The following C1QTNF3 variants were observed in gnomAD, a reference collection of about 807,000 sequenced individuals.
The protein encoded by C1QTNF3 is complement C1q tumor necrosis factor-related protein 3.
C1QTNF3 carries 26 observed loss-of-function variants against 32.6 expected under a neutral mutation model. The observed-to-expected ratio is 0.80, with a 90% CI of 0.58 to 1.11. The LOEUF (loss-of-function observed/expected upper bound fraction) is 1.11. Ranked by LOEUF, C1QTNF3 falls within the 50% of genes least tolerant of loss-of-function variation. The probability of loss-of-function intolerance (pLI) is 0.00; values close to 1 mark genes in which losing one functional copy is unlikely to be tolerated. For synonymous variants in C1QTNF3, 155 were observed against 146.0 expected, an observed-to-expected ratio of 1.06 and a Z score of -0.44; for missense variants, 362 against 398.2, an observed-to-expected ratio of 0.91 and a Z score of 0.77.
chr5:34,052,662 C>T, the C1QTNF3 span, among the ~76,000 whole-genome samples: 1 of 152,328 alleles, frequency 6.6e-6, no homozygotes, highest in African/African-American at 2.4e-5. Context: ...TTAAAAGAGA[C>T]ATTGCTGCAG....
chr5:34,234,579 T>C, the C1QTNF3 span, among the ~76,000 whole-genome samples: 1 of 151,958 alleles, frequency 6.6e-6, no homozygotes, highest in East Asian at 1.9e-4. Flanking sequence ...TCCTATAAAG[T>C]CAAAACACAA....
At chr5:34,072,367 GAA>G in the C1QTNF3 span, among the ~76,000 whole-genome samples, 1 of 109,684 alleles carries the variant, frequency 9.1e-6, no homozygotes, top group African/African-American at 3.7e-5. Flanking sequence ...AATTAAAAAA[GAA>G]AGAGAAAGAA....
chr5:34,147,926 G>A, the C1QTNF3 span, among the ~76,000 whole-genome samples: 3 of 152,152 alleles, frequency 2.0e-5, no homozygotes, highest in African/African-American at 4.8e-5. Context: ...GGTGATTTCT[G>A]CATTTCCATC....
chr5:34,169,473 C>A, the C1QTNF3 span, among the ~76,000 whole-genome samples: 1 of 151,926 alleles, frequency 6.6e-6, no homozygotes, highest in Admixed American at 6.6e-5. Flanking sequence ...GCATGTTTTG[C>A]TATTAAATTG....
the C1QTNF3 span, among the ~76,000 whole-genome samples, chr5:34,196,043 C>T: frequency 7.9e-5 from 12 of 152,394 alleles, no homozygotes; most frequent in Admixed American, 5.9e-4. Flanking sequence ...ATGGCCATTT[C>T]CAATCTAGGA....
the C1QTNF3 span, among the ~76,000 whole-genome samples, chr5:34,138,300 T>C: frequency 1.3e-5 from 2 of 152,190 alleles, no homozygotes; most frequent in African/African-American, 4.8e-5. Flanking sequence ...AATACTAACG[T>C]GAACACTATT....
the C1QTNF3 span, among the ~76,000 whole-genome samples, chr5:34,104,868 C>A: frequency 6.7e-6 from 1 of 149,510 alleles, no homozygotes; most frequent in Non-Finnish European, 1.5e-5. Flanking sequence ...TAATAGATAA[C>A]TTTTTTTTTT....
chr5:34,080,386 G>T, the C1QTNF3 span, among the ~76,000 whole-genome samples: 2 of 151,688 alleles, frequency 1.3e-5, no homozygotes, highest in African/African-American at 4.9e-5. Context: ...TGTGAAACTG[G>T]TATTTAATGC....
the C1QTNF3 span, among the ~76,000 whole-genome samples, chr5:34,221,180 A>G: frequency 6.6e-6 from 1 of 152,102 alleles, no homozygotes; most frequent in Non-Finnish European, 1.5e-5. Context: ...TCATACCAAG[A>G]TATCACAAGG....
At chr5:34,051,379 T>C in the C1QTNF3 span, among the ~76,000 whole-genome samples, 1 of 152,230 alleles carries the variant, frequency 6.6e-6, no homozygotes, top group Non-Finnish European at 1.5e-5. Flanking sequence ...ATCTGTCTTA[T>C]TTTTTCAACT....
chr5:34,077,468 CTATT>C, the C1QTNF3 span, among the ~76,000 whole-genome samples: 2 of 151,588 alleles, frequency 1.3e-5, no homozygotes, highest in African/African-American at 4.9e-5. Context: ...ATTTTGTACA[CTATT>C]TATTTGTGAC....
chr5:34,227,926 A>G, the C1QTNF3 span, among the ~76,000 whole-genome samples: 1 of 151,580 alleles, frequency 6.6e-6, no homozygotes, highest in African/African-American at 2.4e-5. Context: ...CTGGCAACAG[A>G]TTTTAAATAT....
the C1QTNF3 span, among the ~76,000 whole-genome samples, chr5:34,157,061 T>C: frequency 6.6e-6 from 1 of 152,228 alleles, no homozygotes; most frequent in Non-Finnish European, 1.5e-5. Flanking sequence ...CAATATATAA[T>C]TTTTATGACT....
At chr5:34,127,413 C>T in the C1QTNF3 span, among the ~76,000 whole-genome samples, 5 of 151,742 alleles carry the variant, frequency 3.3e-5, no homozygotes, top group African/African-American at 4.8e-5. Flanking sequence ...TTATTGTGAA[C>T]TATAGTAAAG....
the C1QTNF3 span, among the ~76,000 whole-genome samples, chr5:34,212,373 G>A: frequency 1.3e-5 from 2 of 152,012 alleles, no homozygotes; most frequent in East Asian, 3.9e-4. Context: ...AACACCAAAA[G>A]CAATGGCAAC....
the C1QTNF3 span, among the ~76,000 whole-genome samples, chr5:34,146,116 C>A: frequency 6.6e-6 from 1 of 152,066 alleles, no homozygotes; most frequent in Admixed American, 6.5e-5. Context: ...CCCACTCTCA[C>A]CACTCCTATT....
chr5:34,177,066 G>A, the C1QTNF3 span, among the ~76,000 whole-genome samples: 3 of 152,128 alleles, frequency 2.0e-5, no homozygotes, highest in South Asian at 6.2e-4. Context: ...AGTGGCGCAT[G>A]CCTGTGGCTC....
the C1QTNF3 span, among the ~76,000 whole-genome samples, chr5:34,060,466 G>A: frequency 6.6e-6 from 1 of 152,060 alleles, no homozygotes; most frequent in Non-Finnish European, 1.5e-5. Context: ...GTAAAAATTT[G>A]TTATAAAAAA....
chr5:34,156,228 G>A, the C1QTNF3 span, among the ~76,000 whole-genome samples: 2 of 152,060 alleles, frequency 1.3e-5, no homozygotes, highest in African/African-American at 4.8e-5. Flanking sequence ...CCACCACCAA[G>A]CCCAGGTAAT....
Sources: gnomAD v4.1 joint callset for allele counts (sites outside exome capture counted in the v4.1 genomes callset) on GRCh38, gnomAD v4.1.1 for gene constraint, MANE v1.5 for transcripts, NCBI Gene and HGNC (gene_info 2026-07-23, HGNC 2026-07-21) for gene names.